The following PLCE1 variants were observed in gnomAD, a reference collection of about 807,000 sequenced individuals.
PLCE1 encodes 1-phosphatidylinositol 4,5-bisphosphate phosphodiesterase epsilon-1.
In PLCE1, 119 loss-of-function variants were observed where a neutral mutation model predicts 242.8. The observed-to-expected ratio is 0.49, with a 90% CI of 0.42 to 0.57. The LOEUF (loss-of-function observed/expected upper bound fraction) is 0.57. PLCE1 is among the 20% of genes least tolerant of loss of function. PLCE1 has a pLI of 0.00. For synonymous variants in PLCE1, 945 were observed against 1,017.4 expected (o/e 0.93, Z 1.35); for missense variants, 2,441 against 2,788.8 (o/e 0.88, Z 2.81).
chr10:94,113,589 C>A (rs1810978974), intron 2 of PLCE1, among the ~76,000 whole-genome samples: 1 of 152,156 alleles, frequency 6.6e-6, no homozygotes, highest in Non-Finnish European at 1.5e-5. Flanking sequence ...TGTATGTATT[C>A]ATTCATTCAA....
At position 93,994,246 on chromosome 10, in the gene PLCE1, C is replaced by G. The variant is rs2060775490; in HGVS notation, c.-377C>G. ...GCTTGGGGACGCCGGCGAGACTCGCCAGGAGCCAAGAGGTGAGGAAGCGAC... is the reference window on the plus strand; with the variant it reads ...GCTTGGGGACGCCGGCGAGACTCGCGAGGAGCCAAGAGGTGAGGAAGCGAC... On this transcript the variant is annotated 5_prime_UTR_variant, in exon 1 of 33. Coordinates refer to ENST00000371380, the MANE Select transcript of PLCE1 (RefSeq NM_016341.4). 6.6e-6 allele frequency among the ~76,000 whole-genome samples: 1 copy of G among 152,234 alleles called. No homozygotes were observed. The highest frequency in any genetic ancestry group is 2.4e-5 in the African/African-American group (1 of 41,472).
At chr10:94,297,877 G>A (rs142470652) in intron 23 of PLCE1, among the ~76,000 whole-genome samples, 202 of 152,034 alleles carry the variant, frequency 1.3e-3, no homozygotes, top group Non-Finnish European at 2.3e-3. Context: ...TGTTTCCTAT[G>A]AAAAACAATG....
chr10:94,088,984 G>C, intron 2 of PLCE1: 1 of 1,207,154 alleles, frequency 8.3e-7, no homozygotes. Context: ...CCTCGATTCT[G>C]GGTATTACAT....
rs1020839421 is a variant in PLCE1 at position 94,153,021 on chromosome 10, T to C, written c.1493-18159T>C. ...TGCATGTTCAACATTACTTTCAAAA[T>C]ATATATAGATTTTCTTTCTTTAAAA... On this transcript the variant is annotated intron_variant, in intron 3 of 32. Transcript: ENST00000371380. Among the ~76,000 whole-genome samples the C allele has an allele frequency of 9.9e-5, 15 of 152,264 alleles. No individual in the cohort carries two copies. In the East Asian group the frequency reaches 1.3e-3, roughly 14 times the overall value.
intron 2 of PLCE1, among the ~76,000 whole-genome samples, chr10:94,111,455 A>T (rs1473991014): frequency 6.6e-6 from 1 of 152,202 alleles, no homozygotes; most frequent in Non-Finnish European, 1.5e-5. Context: ...TGCACCAGAG[A>T]ACTAAAGCTC....
chr10:94,316,973 G>A (rs1023119763), intron 29 of PLCE1, among the ~76,000 whole-genome samples: 8 of 152,158 alleles, frequency 5.3e-5, no homozygotes, highest in South Asian at 2.1e-4. Flanking sequence ...CCCTTAGACC[G>A]GGCGTGGTGG....
chr10:94,309,785 A>G (rs1383369545), intron 27 of PLCE1, among the ~76,000 whole-genome samples: 4 of 152,160 alleles, frequency 2.6e-5, no homozygotes, highest in African/African-American at 9.6e-5. Flanking sequence ...CTCTAATCCC[A>G]ACACTTTGGG....
intron 19 of PLCE1, among the ~76,000 whole-genome samples, chr10:94,278,284 TG>T (rs946347984): frequency 1.3e-5 from 2 of 152,100 alleles, no homozygotes; most frequent in Admixed American, 6.6e-5. Context: ...CGAATATAAA[TG>T]GAAAAAAATT....
chr10:94,152,971 GATA>G (rs1179764953), intron 3 of PLCE1, among the ~76,000 whole-genome samples: 3 of 152,030 alleles, frequency 2.0e-5, no homozygotes, highest in Non-Finnish European at 4.4e-5. Flanking sequence ...TTGAAAATGT[GATA>G]ATAACAAACA....
At chr10:94,112,914 T>C (rs2045999587) in intron 2 of PLCE1, among the ~76,000 whole-genome samples, 2 of 152,238 alleles carry the variant, frequency 1.3e-5, no homozygotes, top group African/African-American at 4.8e-5. Flanking sequence ...TTGGTTTTCA[T>C]TCAACAGAAC....
In PLCE1 at chr10:94,280,110, G is replaced by A. The variant is rs1024111436; in HGVS notation, c.4795+199G>A. The A allele has an allele frequency of 1.6e-5, 10 of 610,690 alleles. No individual in the cohort carries two copies. In the African/African-American group the frequency reaches 1.9e-4, roughly 11 times the overall value. 37.8% of individuals were successfully genotyped at this position (610,690 alleles called of 1,614,324 possible). ...TGTTAGCCAACACTTACAGAAAGAA[G>A]AGGCAGGTGTGGGAAGTTACAGGGA... On this transcript the variant is annotated intron_variant, in intron 20 of 32. Coordinates refer to ENST00000371380, the MANE Select transcript of PLCE1 (RefSeq NM_016341.4).
At chr10:94,246,651 A>G (rs753850423) in intron 8 of PLCE1, 30 bp downstream of exon 8, 109 of 1,596,848 alleles carry the variant, frequency 6.8e-5, no homozygotes, top group Non-Finnish European at 8.7e-5. Context: ...CTCTTTCCTC[A>G]CTGGCATAAT....
chr10:94,249,842 T>C (rs1003710761), intron 8 of PLCE1, among the ~76,000 whole-genome samples: 1 of 152,064 alleles, frequency 6.6e-6, no homozygotes, highest in African/African-American at 2.4e-5. Flanking sequence ...TCCTGGGTAT[T>C]TGGAAGGTGC....
intron 8 of PLCE1, among the ~76,000 whole-genome samples, chr10:94,251,350 C>T (rs1418657103): frequency 6.6e-6 from 1 of 152,116 alleles, no homozygotes; most frequent in Non-Finnish European, 1.5e-5. Context: ...GGAGCAAGCA[C>T]ACACACACAC....
At position 94,235,955 on chromosome 10, in the gene PLCE1, G is replaced by A. The variant is rs758156206; in HGVS notation, c.2255G>A (p.Arg752Gln). The A allele has an allele frequency of 7.4e-6, 12 of 1,613,788 alleles. No homozygotes were observed. Among genetic ancestry groups the A allele is most frequent in the Admixed American group, 6.7e-5 (4 of 59,982 alleles). The change falls in exon 7 of 33, where the codon CGA becomes CAA. Residue 752 changes from arginine (R) to glutamine (Q), a missense_variant. Coordinates refer to ENST00000371380, the MANE Select transcript of PLCE1 (RefSeq NM_016341.4). ...AGTGGACAAGATAATTTCTTACAACGAGTGGGACAAAATGGCTTAAAGAAT... is the reference window on the plus strand; with the variant it reads ...AGTGGACAAGATAATTTCTTACAACAAGTGGGACAAAATGGCTTAAAGAAT... ...DYSGQDNFLQ[R>Q]VGQNGLKNSE...
At position 94,082,924 on chromosome 10, in the gene PLCE1, T is replaced by C. The variant is rs552914672; in HGVS notation, c.1207-49250T>C. 5.9e-5 allele frequency among the ~76,000 whole-genome samples: 9 copies of C among 152,314 alleles called. No homozygotes were observed. In the South Asian group the frequency reaches 1.9e-3, roughly 32 times the overall value. ...AACAAATTCATTAAAAGCAATTCTA[T>C]GTGAAGCAAAAATACAGAGATTTTT... On this transcript the variant is annotated intron_variant, in intron 2 of 32. Transcript: ENST00000371380.
intron 7 of PLCE1, among the ~76,000 whole-genome samples, chr10:94,241,044 T>C (rs989257798): frequency 6.6e-6 from 1 of 152,236 alleles, no homozygotes; most frequent in Non-Finnish European, 1.5e-5. Flanking sequence ...AGTTTCCTGC[T>C]TGAAATGAAC....
intron 18 of PLCE1, 89 bp from the exon 19 acceptor site, chr10:94,273,472 TA>T: frequency 7.9e-7 from 1 of 1,271,582 alleles, no homozygotes; most frequent in Non-Finnish European, 1.1e-6. Context: ...TCAACCAGTC[TA>T]AAATATCTAC....
chr10:94,003,907 G>A (rs1258830901), intron 1 of PLCE1, among the ~76,000 whole-genome samples: 1 of 152,198 alleles, frequency 6.6e-6, no homozygotes. Flanking sequence ...CAGCACTATG[G>A]GAGGCTGAGG....
Sources: gnomAD v4.1 joint callset for allele counts (sites outside exome capture counted in the v4.1 genomes callset) on GRCh38, gnomAD v4.1.1 for gene constraint, MANE v1.5 for transcripts, NCBI Gene and HGNC (gene_info 2026-07-23, HGNC 2026-07-21) for gene names.